PHC3: variants seen among roughly 807,000 people sequenced by gnomAD.
The protein encoded by PHC3 is polyhomeotic homolog 3.
A neutral mutation model predicts 107.4 loss-of-function variants in PHC3; 13 were observed. The ratio of observed to expected loss-of-function variants is 0.12; its 90% CI spans 0.08 to 0.19. The LOEUF is 0.19. Ranked by LOEUF, PHC3 falls within the 10% of genes least tolerant of loss-of-function variation. The probability of loss-of-function intolerance (pLI) is 1.00; values close to 1 mark genes in which losing one functional copy is unlikely to be tolerated. For synonymous variants in PHC3, 456 were observed against 427.4 expected, an observed-to-expected ratio of 1.07 and a Z score of -0.83; for missense variants, 992 against 1,210.9, an observed-to-expected ratio of 0.82 and a Z score of 2.68.
chr3:170,152,444 C>A (rs1438495404), intron 4 of PHC3, among the ~76,000 whole-genome samples: 5 of 150,864 alleles, frequency 3.3e-5, no homozygotes, highest in Non-Finnish European at 7.4e-5. Flanking sequence ...CCTCGGCCTT[C>A]CAAAGTGCTG....
Position 170,106,650 on chromosome 3 carries a change from C to T in PHC3, c.2468+182G>A, listed in dbSNP as rs375425122. 2.6e-5 allele frequency among the ~76,000 whole-genome samples: 4 copies of T among 152,190 alleles called. No homozygotes were observed. In the South Asian group the frequency reaches 8.3e-4, roughly 32 times the overall value. ...CAAAGCAAAATCTAGTAACTAAATACTAGGTGGCTCCAGATACTGCCTATT... is the reference window on the plus strand; with the variant it reads ...CAAAGCAAAATCTAGTAACTAAATATTAGGTGGCTCCAGATACTGCCTATT... On this transcript the variant is annotated intron_variant, in intron 12 of 14. Transcript: ENST00000495893.
At chr3:170,136,332 C>G in intron 7 of PHC3, 87 bp downstream of exon 7, 1 of 1,475,056 alleles carries the variant, frequency 6.8e-7, no homozygotes, top group Non-Finnish European at 9.3e-7. Flanking sequence ...GGTGTCACTC[C>G]TGTTCAAGTC....
chr3:170,144,899 G>A (rs1033846228), intron 6 of PHC3, among the ~76,000 whole-genome samples: 1 of 152,084 alleles, frequency 6.6e-6, no homozygotes, highest in Non-Finnish European at 1.5e-5. Context: ...TAAAGACCGG[G>A]TCTTACTATT....
chr3:170,149,283 C>G (rs1205654063), intron 4 of PHC3, 39 bp from the exon 5 acceptor site: 6 of 1,557,234 alleles, frequency 3.9e-6, no homozygotes, highest in Non-Finnish European at 5.2e-6. Flanking sequence ...GCTTCCATTT[C>G]TTGCTTCCAT....
At chr3:170,114,967 T>C (rs1347639302) in intron 10 of PHC3, among the ~76,000 whole-genome samples, 10 of 152,168 alleles carry the variant, frequency 6.6e-5, no homozygotes, top group African/African-American at 1.9e-4. Flanking sequence ...AAAGAAAAAC[T>C]CACATTCAAT....
chr3:170,090,429 A>C lies in PHC3; in HGVS notation c.*6801T>G, dbSNP rs1713976695. The C allele has an allele frequency of 6.6e-6, 1 of 152,210 alleles. No homozygotes were observed. The highest frequency in any genetic ancestry group is 2.4e-5 in the African/African-American group (1 of 41,456). The allele number at this position is 152,210 out of a possible 1,614,324, so 9.4% of individuals were successfully genotyped here. On this transcript the variant is annotated 3_prime_UTR_variant, in exon 15 of 15. Transcript: ENST00000495893. ...ATGTAAGTGTTCAAATAGTTTGCTA[A>C]ATGAATTTAAGTACATGAATGACAA...
chr3:170,128,615 CAT>C (rs1721734367), intron 8 of PHC3, 67 bp downstream of exon 8: 1 of 1,509,450 alleles, frequency 6.6e-7, no homozygotes, highest in Non-Finnish European at 8.9e-7. Flanking sequence ...TGCAATAAAA[CAT>C]AGTGTGGGAA....
In PHC3 at chr3:170,089,914, CAAAAAAAAAA is replaced by C. The variant is rs1178846219; in HGVS notation, c.*7306_*7315del. On this transcript the variant is annotated 3_prime_UTR_variant, in exon 15 of 15. Coordinates refer to ENST00000495893, the MANE Select transcript of PHC3 (RefSeq NM_024947.4). ...CCTGGGCAACAGAGCGAACCCATCT[CAAAAAAAAAA>C]AAAAGAAAAAAAAAAAAAAAGAAAG... 2.3e-5 allele frequency: 1 copy of C among 43,620 alleles called. No individual in the cohort carries two copies. Among genetic ancestry groups the C allele is most frequent in the African/African-American group, 6.7e-5 (1 of 14,878 alleles). 2.7% of individuals were successfully genotyped at this position (43,620 alleles called of 1,614,324 possible). A position where few individuals can be genotyped will look rare whatever the true frequency, so the allele number is the denominator to read the frequency against.
chr3:170,151,337 T>C (rs753562309), intron 4 of PHC3, among the ~76,000 whole-genome samples: 2 of 152,140 alleles, frequency 1.3e-5, no homozygotes, highest in African/African-American at 2.4e-5. Flanking sequence ...GAATACTTTA[T>C]TGGACTTCTT....
At chr3:170,146,392 A>C (rs1651360356) in intron 5 of PHC3, among the ~76,000 whole-genome samples, 1 of 151,098 alleles carries the variant, frequency 6.6e-6, no homozygotes, top group Admixed American at 6.6e-5. Flanking sequence ...AAAAAAGAAA[A>C]GAAAGAAAGA....
chr3:170,140,192 CCT>C (rs1246843485), intron 6 of PHC3, among the ~76,000 whole-genome samples: 43 of 147,896 alleles, frequency 2.9e-4, no homozygotes, highest in African/African-American at 8.7e-4. Context: ...CCCCAGATAG[CCT>C]TACTGGGGAA....
In PHC3 at chr3:170,149,229, A is replaced by G; in HGVS notation, c.430T>C (p.Ser144Pro). 2 of 1,610,878 alleles carry G rather than the reference A, an allele frequency of 1.2e-6. No individual in the cohort carries two copies. Among genetic ancestry groups the G allele is most frequent in the Non-Finnish European group, 1.7e-6 (2 of 1,178,756 alleles). ...CTTATTAACTGTGCAGGTGTAGGAG[A>G]AGTGGAGAGGTTGATCTAAGGAAGA... ...MSQTSINLSTSPTPAQLISRS... is the reference protein window; with the variant it reads ...MSQTSINLSTPPTPAQLISRS... Residue 144 changes from serine (S) to proline (P), a missense_variant, in exon 5 of 15, where the codon TCT becomes CCT. Coordinates refer to ENST00000495893, the MANE Select transcript of PHC3 (RefSeq NM_024947.4).
intron 8 of PHC3, among the ~76,000 whole-genome samples, chr3:170,126,530 T>TATATATATCTATA (rs1560059403): frequency 1.4e-5 from 1 of 72,890 alleles, no homozygotes; most frequent in African/African-American, 5.8e-5. Context: ...ATATATATAT[T>TATATATATCTATA]TTTTTTTTTT....
intron 10 of PHC3, among the ~76,000 whole-genome samples, chr3:170,115,172 G>T (rs1487898137): frequency 6.6e-6 from 1 of 151,842 alleles, no homozygotes; most frequent in Non-Finnish European, 1.5e-5. Context: ...AGAACTATTT[G>T]AACAGTGAAA....
rs1360319137 is a variant in PHC3, at chr3:170,171,465, CTT to C, written c.337-17_337-16del. 1.3e-6 allele frequency: 2 copies of C among 1,547,334 alleles called. No homozygotes were observed. Among genetic ancestry groups the C allele is most frequent in the Non-Finnish European group, 1.7e-6 (2 of 1,143,956 alleles). ...GACAAACTTGCCTAAAATAGTAAGA[CTT>C]TTAGAATATGTCGGTAAAAACCTGA... On this transcript the variant is annotated splice_polypyrimidine_tract_variant and intron_variant, in intron 3 of 14. Coordinates refer to ENST00000495893, the MANE Select transcript of PHC3 (RefSeq NM_024947.4).
chr3:170,146,729 C>T (rs1482909542), intron 5 of PHC3, among the ~76,000 whole-genome samples: 2 of 151,378 alleles, frequency 1.3e-5, no homozygotes, highest in Admixed American at 6.6e-5. Context: ...GACGGGGTTT[C>T]ACCATGTTGG....
chr3:170,107,964 A>T (rs1258210020), intron 11 of PHC3, among the ~76,000 whole-genome samples: 1 of 152,206 alleles, frequency 6.6e-6, no homozygotes, highest in East Asian at 1.9e-4. Context: ...AGTGGCAATT[A>T]TATGTGTGCC....
intron 3 of PHC3, 111 bp from the exon 4 acceptor site, chr3:170,171,561 AAAC>A (rs1729603788): frequency 1.4e-6 from 1 of 706,896 alleles, no homozygotes; most frequent in African/African-American, 1.9e-5. Context: ...CCTATGTATG[AAAC>A]AACTAATTTT....
rs1249253383 is a variant in PHC3 at position 170,096,383 on chromosome 3, C to T, written c.*847G>A. The stretch of plus-strand genomic sequence containing the variant: ...CTTGGCAGTACCGATATTTTTGAAC[C>T]AATAATTCTTTACAGTGGAGGGGTG... On this transcript the variant is annotated 3_prime_UTR_variant, in exon 15 of 15. Transcript: ENST00000495893. 6.6e-6 allele frequency: 1 copy of T among 151,850 alleles called. No individual in the cohort carries two copies. Among genetic ancestry groups the T allele is most frequent in the African/African-American group, 2.4e-5 (1 of 41,332 alleles). The allele number at this position is 151,850 out of a possible 1,614,324, so 9.4% of individuals were successfully genotyped here.
Sources: allele counts gnomAD v4.1 joint callset (sites outside exome capture counted in the v4.1 genomes callset), GRCh38; gene constraint gnomAD v4.1.1; transcripts MANE v1.5; gene names NCBI Gene and HGNC (gene_info 2026-07-23, HGNC 2026-07-21).